TACR3: variants seen among roughly 807,000 people sequenced by gnomAD.
TACR3 encodes tachykinin receptor 3.
A neutral mutation model predicts 35.0 loss-of-function variants in TACR3; 34 were observed. The observed-to-expected ratio is 0.97, with a 90% CI of 0.74 to 1.30. TACR3 has a LOEUF of 1.30. Among genes scored for constraint, TACR3 ranks in the 50% most tolerant of loss-of-function variants. The pLI is 0.00. For synonymous variants in TACR3, 233 were observed against 221.1 expected (o/e 1.05, Z -0.48); for missense variants, 558 against 591.7 (o/e 0.94, Z 0.59).
intron 1 of TACR3, among the ~76,000 whole-genome samples, chr4:103,704,506 G>A (rs1578265317): frequency 6.6e-6 from 1 of 152,198 alleles, no homozygotes. Context: ...AGTCATGGCA[G>A]AAGAGGAAAC....
chr4:103,639,150 T>TCG (rs1327264418), intron 3 of TACR3, among the ~76,000 whole-genome samples: 1 of 152,092 alleles, frequency 6.6e-6, no homozygotes, highest in African/African-American at 2.4e-5. Flanking sequence ...CGTATGTTTA[T>TCG]TGCGGCACTA....
At chr4:103,675,181 C>T (rs1313886588) in intron 1 of TACR3, among the ~76,000 whole-genome samples, 1 of 152,152 alleles carries the variant, frequency 6.6e-6, no homozygotes, top group Non-Finnish European at 1.5e-5. Context: ...TCTGTTCTTT[C>T]CCTCTTTTCT....
intron 3 of TACR3, among the ~76,000 whole-genome samples, chr4:103,598,974 T>G (rs915165495): frequency 6.6e-6 from 1 of 152,200 alleles, no homozygotes; most frequent in African/African-American, 2.4e-5. Flanking sequence ...AAAGTAGTTT[T>G]TCCCAGTTCT....
chr4:103,671,631 A>C (rs1726058977), intron 1 of TACR3, among the ~76,000 whole-genome samples: 1 of 152,000 alleles, frequency 6.6e-6, no homozygotes, highest in Non-Finnish European at 1.5e-5. Context: ...TATCAATTGT[A>C]ATATCTAATT....
intron 3 of TACR3, among the ~76,000 whole-genome samples, chr4:103,618,589 T>TGC (rs1360993504): frequency 7.9e-6 from 1 of 126,182 alleles, no homozygotes; most frequent in Non-Finnish European, 1.7e-5. Flanking sequence ...TTTTTTTTTT[T>TGC]TTGTTCCATA....
At chr4:103,684,838 T>C (rs1722191442) in intron 1 of TACR3, among the ~76,000 whole-genome samples, 1 of 151,760 alleles carries the variant, frequency 6.6e-6, no homozygotes, top group Non-Finnish European at 1.5e-5. Flanking sequence ...AACCTGTCTC[T>C]ATGAAAAATA....
chr4:103,629,029 T>A (rs1724981315), intron 3 of TACR3, among the ~76,000 whole-genome samples: 1 of 152,046 alleles, frequency 6.6e-6, no homozygotes, highest in South Asian at 2.1e-4. Flanking sequence ...ACAGAACCAA[T>A]GACAAAAACC....
In TACR3 at chr4:103,587,730, A is replaced by G. The variant is rs950100118; in HGVS notation, c.*1952T>C. The G allele has an allele frequency of 1.3e-5, 2 of 152,142 alleles. No individual in the cohort carries two copies. Among genetic ancestry groups the G allele is most frequent in the African/African-American group, 4.8e-5 (2 of 41,462 alleles). The allele number at this position is 152,142 out of a possible 1,614,324, so 9.4% of individuals were successfully genotyped here. ...AGAAAATAATAACTTTTTACATATT[A>G]GGCTTTTTCTTGACACTTTAACATT... On this transcript the variant is annotated 3_prime_UTR_variant, in exon 5 of 5. Transcript: ENST00000304883.
chr4:103,599,545 G>C (rs1724135874), intron 3 of TACR3, among the ~76,000 whole-genome samples: 1 of 152,200 alleles, frequency 6.6e-6, no homozygotes, highest in Non-Finnish European at 1.5e-5. Flanking sequence ...TTTTCAAAAG[G>C]AATGCTTCCA....
intron 3 of TACR3, among the ~76,000 whole-genome samples, chr4:103,614,069 CAT>C (rs1247438412): frequency 6.6e-6 from 1 of 152,128 alleles, no homozygotes; most frequent in Non-Finnish European, 1.5e-5. Flanking sequence ...ATGGCTTTAA[CAT>C]ATGAATTTTG....
chr4:103,620,825 C>A (rs550976474), intron 3 of TACR3, among the ~76,000 whole-genome samples: 2 of 152,134 alleles, frequency 1.3e-5, no homozygotes, highest in East Asian at 3.9e-4. Flanking sequence ...CTCCAGACAT[C>A]AACTTCACAC....
rs183088596 is a variant in TACR3 at position 103,620,845 on chromosome 4, A to T, written c.889-29162T>A. Among the ~76,000 whole-genome samples the T allele has an allele frequency of 3.6e-4, 54 of 152,064 alleles. No homozygotes were observed. The East Asian group carries it at 8.4e-3, about 24-fold the overall frequency. On this transcript the variant is annotated intron_variant, in intron 3 of 4. Coordinates refer to ENST00000304883, the MANE Select transcript of TACR3 (RefSeq NM_001059.3). ...GACATCAACTTCACACAATATTCCTATACAACAAATCTACACATGTACTTG... is the reference window on the plus strand; with the variant it reads ...GACATCAACTTCACACAATATTCCTTTACAACAAATCTACACATGTACTTG...
intron 3 of TACR3, among the ~76,000 whole-genome samples, chr4:103,655,148 T>C (rs1255073667): frequency 6.6e-6 from 1 of 152,216 alleles, no homozygotes; most frequent in African/African-American, 2.4e-5. Flanking sequence ...TGGTAAATGT[T>C]AACCAAACAT....
rs912005212 is a variant in TACR3, at chr4:103,719,303, CAAGG to C, written c.369_372del (p.Phe123LeufsTer2). The C allele has an allele frequency of 3.7e-6, 6 of 1,614,106 alleles. No individual in the cohort carries two copies. Among genetic ancestry groups the C allele is most frequent in the Non-Finnish European group, 5.1e-6 (6 of 1,180,054 alleles). Reference sequence around the variant, plus strand: ...GAGGCGTCGGAGAAAGCCAGGTTCACAAGGAAGTAGTTGGTGACAGTCCTCATGC... The same window carrying C: ...GAGGCGTCGGAGAAAGCCAGGTTCACAAGTAGTTGGTGACAGTCCTCATGC... On this transcript the variant is annotated frameshift_variant, in exon 1 of 5. Transcript: ENST00000304883. LOFTEE classifies it high-confidence loss of function.
intron 3 of TACR3, among the ~76,000 whole-genome samples, chr4:103,625,039 C>T (rs1452676522): frequency 1.3e-5 from 2 of 152,062 alleles, no homozygotes; most frequent in African/African-American, 2.4e-5. Flanking sequence ...GAGAAACACG[C>T]AATTGCCTCA....
chr4:103,605,748 T>G (rs1460249829), intron 3 of TACR3, among the ~76,000 whole-genome samples: 2 of 151,660 alleles, frequency 1.3e-5, no homozygotes, highest in African/African-American at 2.4e-5. Context: ...GAGTAGGTTG[T>G]GAAAATTTTC....
intron 1 of TACR3, among the ~76,000 whole-genome samples, chr4:103,718,040 C>T (rs1255200263): frequency 6.6e-6 from 1 of 152,120 alleles, no homozygotes; most frequent in Non-Finnish European, 1.5e-5. Flanking sequence ...ATATATGTTA[C>T]TAATACCTCA....
intron 1 of TACR3, among the ~76,000 whole-genome samples, chr4:103,679,126 T>A (rs868030129): frequency 1.3e-5 from 2 of 152,116 alleles, no homozygotes; most frequent in African/African-American, 4.8e-5. Context: ...TGACATCCTC[T>A]ATGTTGCATT....
chr4:103,616,603 T>TA (rs11427011), intron 3 of TACR3, among the ~76,000 whole-genome samples: 79,330 of 151,794 alleles, frequency 0.52, 21,165 homozygotes, highest in Middle Eastern at 0.6. Flanking sequence ...ATTAAAAGAT[T>TA]ATCCTAAAAC....
Sources: gnomAD v4.1 joint callset for allele counts (sites outside exome capture counted in the v4.1 genomes callset) on GRCh38, gnomAD v4.1.1 for gene constraint, MANE v1.5 for transcripts, NCBI Gene and HGNC (gene_info 2026-07-23, HGNC 2026-07-21) for gene names.